RFX7: variants seen among roughly 807,000 people sequenced by gnomAD.
The protein encoded by RFX7 is regulatory factor X7.
Under a neutral mutation model 111.8 loss-of-function variants are expected in RFX7, and 26 were observed. The ratio of observed to expected loss-of-function variants is 0.23; its 90% CI spans 0.17 to 0.32. The LOEUF (loss-of-function observed/expected upper bound fraction) is 0.32, where lower values mean the gene tolerates loss of function less well. RFX7 is among the 10% of genes least tolerant of loss of function. The pLI, the probability that RFX7 is intolerant of heterozygous loss-of-function variation, is 1.00. For missense variants in RFX7, 1,573 were observed against 1,772.9 expected (o/e 0.89, Z 2.02); for synonymous variants, 624 against 624.4 (o/e 1.00, Z 0.01).
At position 56,091,080 on chromosome 15, in the gene RFX7, A is replaced by G. The variant is rs1009972797; in HGVS notation, c.*2265T>C. 6.6e-6 allele frequency: 1 copy of G among 152,560 alleles called. No individual in the cohort carries two copies. Among genetic ancestry groups the G allele is most frequent in the African/African-American group, 2.4e-5 (1 of 41,450 alleles). The allele number at this position is 152,560 out of a possible 1,614,324, so 9.5% of individuals were successfully genotyped here. A position where few individuals can be genotyped will look rare whatever the true frequency, so the allele number is the denominator to read the frequency against. ...GGTTACAGGAATCCTAGTACTGTAC[A>G]AGATAAGTCAATAACACTCATGCAC... On this transcript the variant is annotated 3_prime_UTR_variant, in exon 10 of 10. Transcript: ENST00000559447.
At position 56,218,088 on chromosome 15, in the gene RFX7, G is replaced by A. The variant is rs557148435; in HGVS notation, c.161+25037C>T. 1.3e-4 allele frequency among the ~76,000 whole-genome samples: 19 copies of A among 146,486 alleles called. 1 individual carries two copies. In the East Asian group the frequency reaches 3.0e-3, roughly 23 times the overall value. ...TTCCCTAACAATATAGTATAAAAAC[G>A]ATTTGCACAGCATTTACATTGTATT... On this transcript the variant is annotated intron_variant, in intron 2 of 9. Transcript: ENST00000559447.
At chr15:56,153,138 G>C (rs1380865617) in intron 3 of RFX7, among the ~76,000 whole-genome samples, 9 of 152,160 alleles carry the variant, frequency 5.9e-5, no homozygotes. Flanking sequence ...GGTACAAAGA[G>C]GAGCTGGTAC....
At chr15:56,149,176 A>C (rs1361280365) in intron 3 of RFX7, among the ~76,000 whole-genome samples, 3 of 152,012 alleles carry the variant, frequency 2.0e-5, no homozygotes, top group African/African-American at 7.3e-5. Context: ...TGAAGCTATA[A>C]CATGTCAGCC....
chr15:56,214,062 T>C (rs770935579), intron 2 of RFX7, among the ~76,000 whole-genome samples: 4 of 152,208 alleles, frequency 2.6e-5, no homozygotes, highest in Non-Finnish European at 4.4e-5. Context: ...GTATCCATCA[T>C]GCATGAGTTT....
intron 5 of RFX7, among the ~76,000 whole-genome samples, chr15:56,109,542 G>A (rs1233307467): frequency 6.7e-6 from 1 of 150,028 alleles, no homozygotes; most frequent in Non-Finnish European, 1.5e-5. Flanking sequence ...CTGCCTGGCT[G>A]CCCAGTCTGG....
chr15:56,131,035 A>C (rs1322566264), intron 5 of RFX7, among the ~76,000 whole-genome samples: 2 of 152,116 alleles, frequency 1.3e-5, no homozygotes, highest in African/African-American at 2.4e-5. Context: ...CAGAGCACAG[A>C]AAATTAGGGA....
At chr15:56,127,428 G>T (rs1487985525) in intron 5 of RFX7, among the ~76,000 whole-genome samples, 1 of 149,180 alleles carries the variant, frequency 6.7e-6, no homozygotes, top group Admixed American at 6.7e-5. Flanking sequence ...AAACAAAAGA[G>T]AAAACTCACT....
rs2041564090 is a variant in RFX7 at position 56,089,069 on chromosome 15, AATGACCACAT to A, written c.*4266_*4275del. ...TAGGTGATGGAACTCATTTAAGATG[AATGACCACAT>A]GCTCCAGGAAATGGGCCCCCCCTCC... On this transcript the variant is annotated 3_prime_UTR_variant, in exon 10 of 10. Coordinates refer to ENST00000559447, the MANE Select transcript of RFX7 (RefSeq NM_022841.7). 1 of 152,208 alleles carries A rather than the reference AATGACCACAT, an allele frequency of 6.6e-6. No individual in the cohort carries two copies. Among genetic ancestry groups the A allele is most frequent in the African/African-American group, 2.4e-5 (1 of 41,452 alleles). 9.4% of individuals were successfully genotyped at this position (152,208 alleles called of 1,614,324 possible).
At chr15:56,175,515 G>A (rs1312202895) in intron 3 of RFX7, among the ~76,000 whole-genome samples, 2 of 152,014 alleles carry the variant, frequency 1.3e-5, no homozygotes, top group Non-Finnish European at 2.9e-5. Context: ...CAGTAAACAA[G>A]ACAGTGTAGT....
At chr15:56,120,575 G>A (rs545914039) in intron 5 of RFX7, among the ~76,000 whole-genome samples, 1 of 152,164 alleles carries the variant, frequency 6.6e-6, no homozygotes, top group Non-Finnish European at 1.5e-5. Context: ...CCAGATCTTA[G>A]AGGAAAGGCT....
rs188512630 is a variant in RFX7 at position 56,129,023 on chromosome 15, T to C, written c.401+13755A>G. ...ACATCCTTGAAAGAAATTAAAGATC[T>C]AAGTAAACAAAAATATACCCCATGT... On this transcript the variant is annotated intron_variant, in intron 5 of 9. Transcript: ENST00000559447. Among the ~76,000 whole-genome samples the C allele has an allele frequency of 2.6e-4, 40 of 152,252 alleles. No homozygotes were observed. In the East Asian group the frequency reaches 7.3e-3, roughly 28 times the overall value.
At chr15:56,152,074 A>C (rs371584456) in intron 3 of RFX7, among the ~76,000 whole-genome samples, 1 of 152,222 alleles carries the variant, frequency 6.6e-6, no homozygotes, top group East Asian at 1.9e-4. Flanking sequence ...TTAGAGACCT[A>C]TAAAGAGACT....
At chr15:56,125,440 G>A (rs1368323398) in intron 5 of RFX7, among the ~76,000 whole-genome samples, 6 of 152,130 alleles carry the variant, frequency 3.9e-5, no homozygotes, top group Admixed American at 3.9e-4. Context: ...ACTGCTCTGG[G>A]TAGTATGGTA....
intron 5 of RFX7, among the ~76,000 whole-genome samples, chr15:56,115,573 A>C (rs1319364887): frequency 1.3e-5 from 2 of 152,172 alleles, no homozygotes; most frequent in African/African-American, 4.8e-5. Context: ...ATCATACTCT[A>C]CATATAGTAT....
intron 2 of RFX7, among the ~76,000 whole-genome samples, chr15:56,228,779 G>A (rs758012639): frequency 2.6e-5 from 4 of 152,014 alleles, no homozygotes; most frequent in Non-Finnish European, 4.4e-5. Context: ...CCTCATTCTC[G>A]AGGGATATCT....
At chr15:56,170,887 G>A (rs780424199) in intron 3 of RFX7, among the ~76,000 whole-genome samples, 3 of 152,140 alleles carry the variant, frequency 2.0e-5, no homozygotes, top group Admixed American at 6.6e-5. Context: ...GGGGAGAGTG[G>A]AGAAAGATGA....
intron 5 of RFX7, among the ~76,000 whole-genome samples, chr15:56,130,449 T>G (rs1343305918): frequency 6.6e-6 from 1 of 151,954 alleles, no homozygotes; most frequent in Non-Finnish European, 1.5e-5. Context: ...ACTTCTAATT[T>G]AGGTCACAGA....
intron 5 of RFX7, among the ~76,000 whole-genome samples, chr15:56,119,459 T>C (rs907384307): frequency 6.6e-6 from 1 of 152,182 alleles, no homozygotes; most frequent in Admixed American, 6.5e-5. Flanking sequence ...TTCCCCAGTG[T>C]ATGCTTATGG....
chr15:56,124,031 T>G (rs1169746415), intron 5 of RFX7, among the ~76,000 whole-genome samples: 11 of 152,104 alleles, frequency 7.2e-5, no homozygotes, highest in African/African-American at 1.4e-4. Context: ...TCTTACATTT[T>G]TGTGTGTGTG....
Sources: gnomAD v4.1 joint callset for allele counts (sites outside exome capture counted in the v4.1 genomes callset) on GRCh38, gnomAD v4.1.1 for gene constraint, MANE v1.5 for transcripts, NCBI Gene and HGNC (gene_info 2026-07-23, HGNC 2026-07-21) for gene names.